Variants in KDM1B observed in about 807,000 individuals in gnomAD.
KDM1B encodes lysine-specific histone demethylase 2.
Under a neutral mutation model 107.4 loss-of-function variants are expected in KDM1B, and 63 were observed. The ratio of observed to expected loss-of-function variants is 0.59; its 90% confidence interval spans 0.48 to 0.72. KDM1B has a LOEUF of 0.72. KDM1B is among the 30% of genes least tolerant of loss of function. The pLI, the probability that KDM1B is intolerant of heterozygous loss-of-function variation, is 0.00. For synonymous variants in KDM1B, 363 were observed against 363.9 expected (o/e 1.00, Z 0.03); for missense variants, 749 against 1,020.8 (o/e 0.73, Z 3.63).
rs545782972 is a variant in KDM1B at position 18,219,048 on chromosome 6, G to A, written c.2385+1163G>A. ...CTCCCGAATAGCTGGGACCACAGGCGCCCGCCACCACGCCCGACTAATTTT... is the reference window on the plus strand; with the variant it reads ...CTCCCGAATAGCTGGGACCACAGGCACCCGCCACCACGCCCGACTAATTTT... On this transcript the variant is annotated intron_variant, in intron 21 of 21. Transcript: ENST00000650836. 4.0e-3 allele frequency among the ~76,000 whole-genome samples: 615 copies of A among 152,082 alleles called. 5 individuals are homozygous for A. Among genetic ancestry groups the A allele is most frequent in the African/African-American group, 0.014 (596 of 41,500 alleles).
At chr6:18,198,366 A>G (rs1787792577) in intron 12 of KDM1B, among the ~76,000 whole-genome samples, 1 of 150,004 alleles carries the variant, frequency 6.7e-6, no homozygotes, top group Non-Finnish European at 1.5e-5. Flanking sequence ...CTATTTATTT[A>G]TTTTGAGACA....
Position 18,201,431 on chromosome 6 carries a change from G to A in KDM1B, c.1360-55G>A. On this transcript the variant is annotated intron_variant, in intron 13 of 21. Coordinates refer to ENST00000650836, the MANE Select transcript of KDM1B (RefSeq NM_001364614.2). The surrounding 1 kb of genome is among the most constrained non-coding windows in gnomAD (Gnocchi z 4.3). ...CTGTCTGATTTTCAGCTTAGAACCT[G>A]TAAATATTTTTTTCCAGGGAAAATT... The A allele has an allele frequency of 7.5e-7, 1 of 1,330,412 alleles. No homozygotes were observed. Among genetic ancestry groups the A allele is most frequent in the Non-Finnish European group, 1.0e-6 (1 of 969,304 alleles). 82.4% of individuals were successfully genotyped at this position (1,330,412 alleles called of 1,614,324 possible).
At chr6:18,206,346 T>G (rs1788371386) in intron 15 of KDM1B, among the ~76,000 whole-genome samples, 3 of 151,704 alleles carry the variant, frequency 2.0e-5, no homozygotes, top group African/African-American at 7.3e-5. Context: ...CAAAATCCTG[T>G]CTCTACAAAA....
rs184577384 is a variant in KDM1B at position 18,172,178 on chromosome 6, A to G, written c.534+699A>G. Among the ~76,000 whole-genome samples, 44 of 152,318 alleles carry G rather than the reference A, an allele frequency of 2.9e-4. 1 individual carries two copies. The East Asian group carries it at 8.1e-3, about 28-fold the overall frequency. On this transcript the variant is annotated intron_variant, in intron 7 of 21. Coordinates refer to ENST00000650836, the MANE Select transcript of KDM1B (RefSeq NM_001364614.2). This position sits in a 1 kb window ranked among gnomAD's most constrained non-coding sequence, Gnocchi z 5.2. Reference sequence around the variant, plus strand: ...TATGCTTGGCAATTAGGAATCGGCCATCGTTGTTATAATGTGCCTTTTTTG... The same window carrying G: ...TATGCTTGGCAATTAGGAATCGGCCGTCGTTGTTATAATGTGCCTTTTTTG...
rs1482750229 is a variant in KDM1B, at chr6:18,209,350, A to C, written c.1866+1144A>C. On this transcript the variant is annotated intron_variant, in intron 17 of 21. Coordinates refer to ENST00000650836, the MANE Select transcript of KDM1B (RefSeq NM_001364614.2). This position sits in a 1 kb window ranked among gnomAD's most constrained non-coding sequence, Gnocchi z 4.3. ...TTCCTAGACTAGCTATGCTTCCTAC[A>C]CTTCAGGTATCTAAAACTTATTTCA... Among the ~76,000 whole-genome samples, 2 of 152,206 alleles carry C rather than the reference A, an allele frequency of 1.3e-5. No homozygotes were observed. Among genetic ancestry groups the C allele is most frequent in the African/African-American group, 4.8e-5 (2 of 41,452 alleles).
chr6:18,189,993 C>T lies in KDM1B; in HGVS notation c.785-1204C>T, dbSNP rs1298849319. Among the ~76,000 whole-genome samples the T allele has an allele frequency of 2.0e-5, 3 of 151,460 alleles. No individual in the cohort carries two copies. In the East Asian group the frequency reaches 5.8e-4, roughly 29 times the overall value. On this transcript the variant is annotated intron_variant, in intron 9 of 21. Coordinates refer to ENST00000650836, the MANE Select transcript of KDM1B (RefSeq NM_001364614.2). Reference sequence around the variant, plus strand: ...ACTCCGTCTCTACTAAAAAAAAATACACAAAAAATTAGCCAGGTGTGTGGT... The same window carrying T: ...ACTCCGTCTCTACTAAAAAAAAATATACAAAAAATTAGCCAGGTGTGTGGT...
At chr6:18,207,604 G>A (rs761145762) in intron 16 of KDM1B, 75 bp downstream of exon 16, 45 of 1,567,594 alleles carry the variant, frequency 2.9e-5, no homozygotes, top group Admixed American at 5.0e-5. Flanking sequence ...TGCGGCTCAC[G>A]CAGGAGAATG....
Position 18,200,653 on chromosome 6 carries a change from T to C in KDM1B, c.1359+77T>C, listed in dbSNP as rs1416239735. 11 of 1,399,132 alleles carry C rather than the reference T, an allele frequency of 7.9e-6. No individual in the cohort carries two copies. The highest frequency in any genetic ancestry group is 1.1e-5 in the Non-Finnish European group (11 of 1,028,880). 86.7% of individuals were successfully genotyped at this position (1,399,132 alleles called of 1,614,324 possible). A position where few individuals can be genotyped will look rare whatever the true frequency, so the allele number is the denominator to read the frequency against. On this transcript the variant is annotated intron_variant, in intron 13 of 21. Transcript: ENST00000650836. This position sits in a 1 kb window ranked among gnomAD's most constrained non-coding sequence, Gnocchi z 4.3. ...AATTTGCTTGTGTGCAGTATTAATATGCTTCTAAAGTAAATTACATATAAC... is the reference window on the plus strand; with the variant it reads ...AATTTGCTTGTGTGCAGTATTAATACGCTTCTAAAGTAAATTACATATAAC...
rs1480880770 is a variant in KDM1B, at chr6:18,162,336, AT to A, written c.216-498del. Among the ~76,000 whole-genome samples, 6 of 152,212 alleles carry A rather than the reference AT, an allele frequency of 3.9e-5. No individual in the cohort carries two copies. Among genetic ancestry groups the A allele is most frequent in the Non-Finnish European group, 7.3e-5 (5 of 68,034 alleles). On this transcript the variant is annotated intron_variant, in intron 4 of 21. Coordinates refer to ENST00000650836, the MANE Select transcript of KDM1B (RefSeq NM_001364614.2). This position sits in a 1 kb window ranked among gnomAD's most constrained non-coding sequence, Gnocchi z 4.1. ...GACTCCATCTCAAATAAATAAAAAA[AT>A]ATTAAAAATAAACACAAAGACGTGG...
chr6:18,189,172 A>G (rs2075135383), intron 9 of KDM1B, among the ~76,000 whole-genome samples: 1 of 152,204 alleles, frequency 6.6e-6, no homozygotes, highest in African/African-American at 2.4e-5. Context: ...ACGCCTGGAC[A>G]GGAACAAATG....
chr6:18,184,186 C>A (rs1050800256), intron 7 of KDM1B, among the ~76,000 whole-genome samples: 3 of 151,518 alleles, frequency 2.0e-5, no homozygotes, highest in Non-Finnish European at 4.4e-5. Flanking sequence ...TTCTGACTTA[C>A]AATCATATAG....
rs1582175377 is a variant in KDM1B at position 18,200,159 on chromosome 6, C to T, written c.1222-280C>T. On this transcript the variant is annotated intron_variant, in intron 12 of 21. Coordinates refer to ENST00000650836, the MANE Select transcript of KDM1B (RefSeq NM_001364614.2). This position sits in a 1 kb window ranked among gnomAD's most constrained non-coding sequence, Gnocchi z 4.3. ...AAAGTGCTGGTATTACAGGCATGAG[C>T]TATCGCATCTGGCCTAGTTCATCAA... 6.6e-6 allele frequency among the ~76,000 whole-genome samples: 1 copy of T among 152,330 alleles called. No homozygotes were observed. Among genetic ancestry groups the T allele is most frequent in the African/African-American group, 2.4e-5 (1 of 41,572 alleles).
At chr6:18,156,802 A>G (rs1784639110) in intron 2 of KDM1B, among the ~76,000 whole-genome samples, 1 of 152,150 alleles carries the variant, frequency 6.6e-6, no homozygotes. Flanking sequence ...CTGTAATCCC[A>G]GCTACTCGGG....
At chr6:18,177,901 C>A (rs1014240978) in intron 7 of KDM1B, among the ~76,000 whole-genome samples, 3 of 152,182 alleles carry the variant, frequency 2.0e-5, no homozygotes, top group Admixed American at 1.3e-4. Flanking sequence ...TGGTTCCTTA[C>A]AGAAAATGTT....
chr6:18,187,744 A>G (rs2150917942), intron 8 of KDM1B, 48 bp from the exon 9 acceptor site: 1 of 1,286,390 alleles, frequency 7.8e-7, no homozygotes, highest in Non-Finnish European at 1.1e-6. Flanking sequence ...CTGCATGTAC[A>G]TTTCTTGTCT....
At chr6:18,194,462 C>T (rs1228588619) in intron 10 of KDM1B, among the ~76,000 whole-genome samples, 1 of 152,152 alleles carries the variant, frequency 6.6e-6, no homozygotes. Context: ...CTGCTGCAGT[C>T]GTTCTTGCTC....
intron 9 of KDM1B, among the ~76,000 whole-genome samples, chr6:18,189,113 A>C (rs979734901): frequency 1.3e-5 from 2 of 152,164 alleles, no homozygotes; most frequent in African/African-American, 4.8e-5. Context: ...CATCTTTAAA[A>C]ATCTACATTA....
chr6:18,217,698 G>A (rs762847720), intron 20 of KDM1B, 35 bp from the exon 21 acceptor site: 2 of 1,597,578 alleles, frequency 1.3e-6, no homozygotes, highest in Non-Finnish European at 1.7e-6. Flanking sequence ...ATCCCTTCTT[G>A]ATCCTACTTC....
intron 7 of KDM1B, 121 bp from the exon 8 acceptor site, chr6:18,185,651 A>C (rs943609449): frequency 6.8e-6 from 6 of 884,526 alleles, no homozygotes; most frequent in Non-Finnish European, 1.1e-5. Flanking sequence ...ACATTGTTTC[A>C]TAAAAATGCT....
Sources: allele counts gnomAD v4.1 joint callset (sites outside exome capture counted in the v4.1 genomes callset), GRCh38; gene constraint gnomAD v4.1.1; non-coding constraint Gnocchi (gnomAD v3.1); transcripts MANE v1.5; gene names NCBI Gene and HGNC (gene_info 2026-07-23, HGNC 2026-07-21).